SNX18: variants seen among roughly 807,000 people sequenced by gnomAD.
The protein encoded by SNX18 is sorting nexin 18, also known as sorting nexin-18.
A neutral mutation model predicts 48.7 loss-of-function variants in SNX18; 35 were observed. The ratio of observed to expected loss-of-function variants is 0.72; its 90% CI spans 0.55 to 0.95. The LOEUF is 0.95. SNX18 is among the 40% of genes least tolerant of loss of function. The pLI is 0.00. For missense variants in SNX18, 824 were observed against 871.0 expected (o/e 0.95, Z 0.68); for synonymous variants, 492 against 384.7 (o/e 1.28, Z -3.26).
At chr5:54,539,583 T>G (rs1485963237) in intron 1 of SNX18, among the ~76,000 whole-genome samples, 1 of 152,102 alleles carries the variant, frequency 6.6e-6, no homozygotes, top group Admixed American at 6.5e-5. Context: ...GAATTGTGCT[T>G]CATGGACCTA....
chr5:54,640,965 T>G, the SNX18 span, among the ~76,000 whole-genome samples: 1 of 152,162 alleles, frequency 6.6e-6, no homozygotes, highest in South Asian at 2.1e-4. Flanking sequence ...GAAGCTAACA[T>G]AGGAGAACTG....
At chr5:54,572,970 T>A in the SNX18 span, among the ~76,000 whole-genome samples, 121,884 of 149,478 alleles carry the variant, frequency 0.82, 49,874 homozygotes, top group Middle Eastern at 0.84. Flanking sequence ...TAGGAAAATG[T>A]GGCTGGGACT....
the SNX18 span, among the ~76,000 whole-genome samples, chr5:54,632,097 A>G: frequency 6.6e-6 from 1 of 152,218 alleles, no homozygotes; most frequent in African/African-American, 2.4e-5. Context: ...TGAGGGGTGC[A>G]TAGCAGTCTT....
chr5:54,565,526 T>C, the SNX18 span, among the ~76,000 whole-genome samples: 1 of 152,128 alleles, frequency 6.6e-6, no homozygotes, highest in African/African-American at 2.4e-5. Flanking sequence ...TGAGCCATGA[T>C]TGTACCACTG....
At chr5:54,628,516 C>A in the SNX18 span, among the ~76,000 whole-genome samples, 5 of 152,266 alleles carry the variant, frequency 3.3e-5, no homozygotes, top group South Asian at 1.0e-3. Context: ...ATCACCCCCA[C>A]CTCTTCACCC....
chr5:54,596,466 G>T, the SNX18 span, among the ~76,000 whole-genome samples: 1 of 152,128 alleles, frequency 6.6e-6, no homozygotes, highest in South Asian at 2.1e-4. Context: ...TTGCTAATTT[G>T]GTTGCTGCAT....
chr5:54,530,999 C>T (rs952897797), intron 1 of SNX18, among the ~76,000 whole-genome samples: 7 of 151,912 alleles, frequency 4.6e-5, no homozygotes, highest in East Asian at 3.9e-4. Context: ...GTGATCTACC[C>T]GTCTCGGCCT....
chr5:54,646,135 T>C, the SNX18 span: 1 of 152,160 alleles, frequency 6.6e-6, no homozygotes, highest in Admixed American at 6.5e-5. Flanking sequence ...AGAGAATAAA[T>C]GCACTGTGCA....
chr5:54,640,205 A>G, the SNX18 span, among the ~76,000 whole-genome samples: 5,555 of 139,940 alleles, frequency 0.04, 142 homozygotes, highest in East Asian at 0.15. Flanking sequence ...GTCTAGAAAT[A>G]GATTCTTTTT....
the SNX18 span, among the ~76,000 whole-genome samples, chr5:54,577,634 C>A: frequency 6.6e-6 from 1 of 152,060 alleles, no homozygotes; most frequent in Non-Finnish European, 1.5e-5. Context: ...TGAAGATGAA[C>A]AATGTAACTC....
chr5:54,614,513 G>A, the SNX18 span, among the ~76,000 whole-genome samples: 1 of 152,086 alleles, frequency 6.6e-6, no homozygotes, highest in Non-Finnish European at 1.5e-5. Context: ...AAAATAATGA[G>A]AAAGATTTAA....
the SNX18 span, among the ~76,000 whole-genome samples, chr5:54,632,664 G>C: frequency 6.6e-6 from 1 of 152,050 alleles, no homozygotes; most frequent in African/African-American, 2.4e-5. Flanking sequence ...TCTGCTCCAG[G>C]CCAGGGAGGG....
At chr5:54,549,718 A>T (rs1762624228), downstream of SNX18, among the ~76,000 whole-genome samples, 1 of 152,214 alleles carries the variant, frequency 6.6e-6, no homozygotes, top group African/African-American at 2.4e-5. Context: ...TCCTGAAAAT[A>T]TGTACTTGGG....
At chr5:54,645,049 T>C in the SNX18 span, 5 of 152,222 alleles carry the variant, frequency 3.3e-5, no homozygotes, top group South Asian at 6.2e-4. Flanking sequence ...GTGATTTGCA[T>C]GCACAGTAAA....
chr5:54,519,731 GT>G (rs1239952669), intron 1 of SNX18, 158 bp downstream of exon 1: 2 of 1,614,218 alleles, frequency 1.2e-6, no homozygotes, highest in Non-Finnish European at 1.7e-6. Flanking sequence ...TAGAGTGTAA[GT>G]TGGATTGCTC....
chr5:54,525,492 A>G (rs756411555), intron 1 of SNX18, among the ~76,000 whole-genome samples: 4 of 152,238 alleles, frequency 2.6e-5, no homozygotes, highest in Non-Finnish European at 4.4e-5. Context: ...CAAAAGCTCA[A>G]GGAGTCTTCA....
At chr5:54,572,953 T>C in the SNX18 span, among the ~76,000 whole-genome samples, 1 of 150,890 alleles carries the variant, frequency 6.6e-6, no homozygotes, top group Non-Finnish European at 1.5e-5. Flanking sequence ...CCATTTTGAG[T>C]AAGGGCTAGG....
At chr5:54,592,202 A>G in the SNX18 span, among the ~76,000 whole-genome samples, 2 of 152,138 alleles carry the variant, frequency 1.3e-5, no homozygotes, top group African/African-American at 4.8e-5. Flanking sequence ...CTTCCCACAC[A>G]TGGTGACCTG....
chr5:54,615,820 G>A, the SNX18 span, among the ~76,000 whole-genome samples: 3 of 152,156 alleles, frequency 2.0e-5, no homozygotes, highest in Admixed American at 6.5e-5. Context: ...GTTCATGTCA[G>A]AATTGTTTCT....
Sources: allele counts gnomAD v4.1 joint callset (sites outside exome capture counted in the v4.1 genomes callset), GRCh38; gene constraint gnomAD v4.1.1; transcripts MANE v1.5; gene names NCBI Gene and HGNC (gene_info 2026-07-23, HGNC 2026-07-21).